LUC7L: variants seen among roughly 807,000 people sequenced by gnomAD.
LUC7L encodes LUC7 like.
LUC7L carries 29 observed loss-of-function variants against 51.1 expected under a neutral mutation model. The ratio of observed to expected loss-of-function variants is 0.57; its 90% CI spans 0.42 to 0.77. The LOEUF is 0.77. Among genes scored for constraint, LUC7L ranks in the 30% least tolerant of loss-of-function variants. The probability of loss-of-function intolerance (pLI) is 0.00; values close to 1 mark genes in which losing one functional copy is unlikely to be tolerated. For synonymous variants in LUC7L, 181 were observed against 180.7 expected, an observed-to-expected ratio of 1.00 and a Z score of -0.01; for missense variants, 403 against 511.9, an observed-to-expected ratio of 0.79 and a Z score of 2.05.
intron 3 of LUC7L, among the ~76,000 whole-genome samples, chr16:219,420 TTAAA>T (rs1411634643): frequency 6.6e-6 from 1 of 151,842 alleles, no homozygotes; most frequent in African/African-American, 2.4e-5. Flanking sequence ...TTAAAATAAA[TTAAA>T]TAAATAATTA....
intron 2 of LUC7L, among the ~76,000 whole-genome samples, chr16:222,650 T>C (rs1443322475): frequency 6.6e-6 from 1 of 151,710 alleles, no homozygotes. Flanking sequence ...ATTTTTTTTT[T>C]TTTTTGAGAT....
intron 3 of LUC7L, among the ~76,000 whole-genome samples, chr16:216,923 C>G (rs1046148353): frequency 6.6e-6 from 1 of 151,746 alleles, no homozygotes; most frequent in East Asian, 2.0e-4. Flanking sequence ...CTTGAACTCC[C>G]GGGCTCAAGC....
At chr16:207,016 A>T (rs1359659801) in intron 4 of LUC7L, among the ~76,000 whole-genome samples, 1 of 151,590 alleles carries the variant, frequency 6.6e-6, no homozygotes. Flanking sequence ...TGGCTAACAC[A>T]GTGAAACCCC....
At chr16:193,835 G>A (rs1406446787) in intron 6 of LUC7L, among the ~76,000 whole-genome samples, 5 of 142,936 alleles carry the variant, frequency 3.5e-5, no homozygotes, top group South Asian at 2.2e-4. Context: ...ACGGAGTCTC[G>A]CTCTGTCACC....
chr16:222,972 AAAGG>A lies in LUC7L; in HGVS notation c.157-2229_157-2226del. 2.0e-5 allele frequency among the ~76,000 whole-genome samples: 3 copies of A among 149,226 alleles called. No homozygotes were observed. In the South Asian group the frequency reaches 6.3e-4, roughly 31 times the overall value. On this transcript the variant is annotated intron_variant, in intron 2 of 9. Coordinates refer to ENST00000293872, the MANE Select transcript of LUC7L (RefSeq NM_201412.3). Reference sequence around the variant, plus strand: ...CTTTTAAAAAAAAAAAAAAAAAAAGAAAGGAAGGCTTTAAACCTTTAATCCATCT... The same window carrying A: ...CTTTTAAAAAAAAAAAAAAAAAAAGAAAGGCTTTAAACCTTTAATCCATCT...
chr16:208,408 A>C lies in LUC7L; in HGVS notation c.256-220T>G, dbSNP rs191065474. On this transcript the variant is annotated intron_variant, in intron 3 of 9. Transcript: ENST00000293872. ...GATTGTTTGGAAGCATGGTCTTCTC[A>C]TTTGATTTACTTATTTCCAAAATTT... 1.3e-4 allele frequency: 59 copies of C among 447,118 alleles called. No homozygotes were observed. The Admixed American group carries it at 2.7e-3, about 21-fold the overall frequency. 27.7% of individuals were successfully genotyped at this position (447,118 alleles called of 1,614,324 possible). A position where few individuals can be genotyped will look rare whatever the true frequency, so the allele number is the denominator to read the frequency against.
intron 6 of LUC7L, among the ~76,000 whole-genome samples, chr16:198,124 CAAA>C (rs1219069291): frequency 1.3e-5 from 2 of 151,052 alleles, no homozygotes; most frequent in African/African-American, 4.9e-5. Flanking sequence ...ACAACAACAA[CAAA>C]AATTAGCCGG....
At position 199,176 on chromosome 16, in the gene LUC7L, C is replaced by T; in HGVS notation, c.573G>A (p.Glu191=). Residue 191 remains glutamate (E), a synonymous_variant, in exon 6 of 10, where the codon GAG becomes GAA. Transcript: ENST00000293872. ...GGAGACCAAGGTAGGCTGAACAGAC[C>T]TCGCAGACACGCAGCTTTTGCTGCT... is the stretch of plus-strand genomic sequence containing the variant. ...SFQQQKLRVC[E]VCSAYLGLHD... is the part of the protein sequence containing the mutation. 6.2e-7 allele frequency: 1 copy of T among 1,611,132 alleles called. No homozygotes were observed. The highest frequency in any genetic ancestry group is 8.5e-7 in the Non-Finnish European group (1 of 1,177,452).
At chr16:213,807 C>G (rs1466458553) in intron 3 of LUC7L, among the ~76,000 whole-genome samples, 2 of 151,884 alleles carry the variant, frequency 1.3e-5, no homozygotes, top group Non-Finnish European at 2.9e-5. Flanking sequence ...CTCTGCCTCC[C>G]AGGTTCAAGC....
At chr16:199,756 C>CAAAA (rs11361921) in intron 5 of LUC7L, among the ~76,000 whole-genome samples, 2 of 61,718 alleles carry the variant, frequency 3.2e-5, no homozygotes, top group African/African-American at 7.3e-5. Flanking sequence ...AACCCTGTCT[C>CAAAA]AAAAAAAAAA....
At chr16:197,326 C>T (rs946003900) in intron 6 of LUC7L, among the ~76,000 whole-genome samples, 1 of 150,972 alleles carries the variant, frequency 6.6e-6, no homozygotes, top group African/African-American at 2.4e-5. Flanking sequence ...AATTATCCTG[C>T]CTCAGCCTCC....
intron 2 of LUC7L, among the ~76,000 whole-genome samples, chr16:224,697 G>A (rs1596687707): frequency 6.6e-6 from 1 of 151,746 alleles, no homozygotes; most frequent in South Asian, 2.1e-4. Context: ...GCCAGGTGTG[G>A]TGGCGGGCGC....
At chr16:190,426 C>T in intron 8 of LUC7L, 115 bp downstream of exon 8, 1 of 1,178,192 alleles carries the variant, frequency 8.5e-7, no homozygotes, top group Non-Finnish European at 1.3e-6. Context: ...CTGTGCCCTT[C>T]ACAAGCCAGC....
rs2049541745 is a variant in LUC7L, at chr16:208,253, T to C, written c.256-65A>G. The stretch of plus-strand genomic sequence containing the variant: ...TAAAGCGTAAAGTCTTAGAACCCAT[T>C]TGCTTGATAGGAAATACACTCCTAG... On this transcript the variant is annotated intron_variant, in intron 3 of 9. Coordinates refer to ENST00000293872, the MANE Select transcript of LUC7L (RefSeq NM_201412.3). 4.1e-6 allele frequency: 5 copies of C among 1,221,954 alleles called. No individual in the cohort carries two copies. The Admixed American group carries it at 5.9e-5, about 14-fold the overall frequency. The allele number at this position is 1,221,954 out of a possible 1,614,324, so 75.7% of individuals were successfully genotyped here.
intron 2 of LUC7L, among the ~76,000 whole-genome samples, chr16:222,965 A>C (rs2050017176): frequency 6.6e-6 from 1 of 151,470 alleles, no homozygotes; most frequent in South Asian, 2.1e-4. Flanking sequence ...AAAAAAAAAA[A>C]AAAAAGAAAG....
chr16:229,287 G>T lies in LUC7L; in HGVS notation c.53C>A (p.Ala18Asp). The change falls in exon 1 of 10, where the codon GCT becomes GAT. Residue 18 changes from alanine to aspartate, a missense_variant. Transcript: ENST00000293872. Reference sequence around the variant, plus strand: ...TGGCCGCTCTGACTCACCGTCCCGAGCCGTGCCCATGAGCTGGTCCAGCAG... The same window carrying T: ...TGGCCGCTCTGACTCACCGTCCCGATCCGTGCCCATGAGCTGGTCCAGCAG... ...RALLDQLMGT[A>D]RDGDETRQRV... 1 of 1,539,802 alleles carries T rather than the reference G, an allele frequency of 6.5e-7. No individual in the cohort carries two copies.
chr16:221,186 A>ATTTTTTTTTTTTTTTTTTT (rs372906826), intron 2 of LUC7L, among the ~76,000 whole-genome samples: 3 of 101,260 alleles, frequency 3.0e-5, no homozygotes, highest in Admixed American at 1.2e-4. Context: ...CACCCAGCTA[A>ATTTTTTTTTTTTTTTTTTT]TTTTTTTTTT....
At chr16:227,207 A>C in intron 2 of LUC7L, 35 bp downstream of exon 2, 1 of 1,552,400 alleles carries the variant, frequency 6.4e-7, no homozygotes, top group Non-Finnish European at 8.9e-7. Context: ...CACTCATGTC[A>C]GAGTGTTCCA....
chr16:202,446 G>T (rs894575578), intron 5 of LUC7L, among the ~76,000 whole-genome samples: 6 of 152,102 alleles, frequency 3.9e-5, no homozygotes, highest in Non-Finnish European at 8.8e-5. Flanking sequence ...ACCGTATCAA[G>T]TGTTATTTTT....
Sources: gnomAD v4.1 joint callset for allele counts (sites outside exome capture counted in the v4.1 genomes callset) on GRCh38, gnomAD v4.1.1 for gene constraint, MANE v1.5 for transcripts, NCBI Gene and HGNC (gene_info 2026-07-23, HGNC 2026-07-21) for gene names.